Variants in PIK3R5 observed in about 807,000 individuals in gnomAD.
The protein encoded by PIK3R5 is phosphoinositide 3-kinase regulatory subunit 5.
Under a neutral mutation model 94.9 loss-of-function variants are expected in PIK3R5, and 32 were observed. That is an observed-to-expected ratio of 0.34 (90% CI 0.25 to 0.45). PIK3R5 has a LOEUF of 0.45. Ranked by LOEUF, PIK3R5 falls within the 20% of genes least tolerant of loss-of-function variation. The pLI is 1.00. For synonymous variants in PIK3R5, 443 were observed against 479.4 expected (o/e 0.92, Z 0.99); for missense variants, 853 against 1,144.6 (o/e 0.75, Z 3.68).
intron 4 of PIK3R5, among the ~76,000 whole-genome samples, chr17:8,905,450 C>T (rs1482725962): frequency 6.6e-6 from 1 of 152,094 alleles, no homozygotes; most frequent in Non-Finnish European, 1.5e-5. Flanking sequence ...AACATGGGAG[C>T]CCAGAGATGC....
At chr17:8,926,543 G>T (rs535328528) in intron 1 of PIK3R5, among the ~76,000 whole-genome samples, 3 of 152,302 alleles carry the variant, frequency 2.0e-5, no homozygotes, top group South Asian at 2.1e-4. Flanking sequence ...CAAAAGGCAC[G>T]TCTTACATGG....
intron 1 of PIK3R5, among the ~76,000 whole-genome samples, chr17:8,921,800 T>C (rs538365276): frequency 6.6e-6 from 1 of 152,166 alleles, no homozygotes; most frequent in African/African-American, 2.4e-5. Flanking sequence ...AAGATCTAAA[T>C]GTAAAGTGCT....
chr17:8,949,559 T>C (rs975003023), intron 1 of PIK3R5, among the ~76,000 whole-genome samples: 3 of 150,160 alleles, frequency 2.0e-5, no homozygotes, highest in African/African-American at 7.6e-5. Context: ...GAAAATGTTG[T>C]CGTCATCGTG....
chr17:8,957,638 T>C (rs1161802757), intron 1 of PIK3R5, among the ~76,000 whole-genome samples: 1 of 152,222 alleles, frequency 6.6e-6, no homozygotes, highest in African/African-American at 2.4e-5. Context: ...GAAATAGGCA[T>C]GCTTGTTAGC....
intron 1 of PIK3R5, among the ~76,000 whole-genome samples, chr17:8,919,666 G>A (rs1045136298): frequency 9.9e-5 from 15 of 152,178 alleles, no homozygotes; most frequent in Non-Finnish European, 1.5e-4. Flanking sequence ...GTGTCATACC[G>A]TGTTGGTGTC....
At chr17:8,883,431 C>T (rs1237821329) in intron 15 of PIK3R5, among the ~76,000 whole-genome samples, 6 of 152,200 alleles carry the variant, frequency 3.9e-5, no homozygotes, top group Non-Finnish European at 8.8e-5. Context: ...GTATGCTGGT[C>T]CCCCATTTCT....
At chr17:8,950,145 G>T (rs1205171045) in intron 1 of PIK3R5, among the ~76,000 whole-genome samples, 2 of 152,176 alleles carry the variant, frequency 1.3e-5, no homozygotes, top group Admixed American at 1.3e-4. Flanking sequence ...GTTTCATGAT[G>T]ATGTAAAAAA....
chr17:8,892,132 C>T lies in PIK3R5; in HGVS notation c.483-1220G>A, dbSNP rs570676161. On this transcript the variant is annotated intron_variant, in intron 6 of 18. Coordinates refer to ENST00000447110, the MANE Select transcript of PIK3R5 (RefSeq NM_001142633.3). This position sits in a 1 kb window ranked among gnomAD's most constrained non-coding sequence, Gnocchi z 4.3. Reference sequence around the variant, plus strand: ...CTCTTGCTCTCTCAATTCCACACTGCGTTTAAACCCAGTGCAAAGGAGCAC... The same window carrying T: ...CTCTTGCTCTCTCAATTCCACACTGTGTTTAAACCCAGTGCAAAGGAGCAC... Among the ~76,000 whole-genome samples, 1 of 152,270 alleles carries T rather than the reference C, an allele frequency of 6.6e-6. No individual in the cohort carries two copies. Among genetic ancestry groups the T allele is most frequent in the South Asian group, 2.1e-4 (1 of 4,818 alleles).
At position 8,932,470 on chromosome 17, in the gene PIK3R5, G is replaced by A. The variant is rs983741241; in HGVS notation, c.-13-20963C>T. 3.3e-5 allele frequency among the ~76,000 whole-genome samples: 5 copies of A among 152,094 alleles called. No homozygotes were observed. The East Asian group carries it at 7.7e-4, about 24-fold the overall frequency. On this transcript the variant is annotated intron_variant, in intron 1 of 18. Transcript: ENST00000447110. ...GGCTGGTCTCGAACTCCTGACCTCC[G>A]GTGATCTGCCCACCTCGGCCTCCCA...
At chr17:8,934,283 C>G (rs2091035088) in intron 1 of PIK3R5, among the ~76,000 whole-genome samples, 1 of 152,148 alleles carries the variant, frequency 6.6e-6, no homozygotes, top group Non-Finnish European at 1.5e-5. Context: ...ATATTAATAA[C>G]TACCAATTTG....
chr17:8,879,063 G>T lies in PIK3R5; in HGVS notation c.*1576C>A, dbSNP rs1392335350. On this transcript the variant is annotated 3_prime_UTR_variant, in exon 19 of 19. Coordinates refer to ENST00000447110, the MANE Select transcript of PIK3R5 (RefSeq NM_001142633.3). This position sits in a 1 kb window ranked among gnomAD's most constrained non-coding sequence, Gnocchi z 4.4. ...GCCCGCCACTCTTCTGGAGCTTAGA[G>T]CAAGAGCAGACATTAAGACAGGGGA... The T allele has an allele frequency of 1.3e-5, 2 of 152,244 alleles. No homozygotes were observed. Among genetic ancestry groups the T allele is most frequent in the African/African-American group, 2.4e-5 (1 of 41,464 alleles). The allele number at this position is 152,244 out of a possible 1,614,324, so 9.4% of individuals were successfully genotyped here. A position where few individuals can be genotyped will look rare whatever the true frequency, so the allele number is the denominator to read the frequency against.
At chr17:8,891,209 CG>C (rs2090015258) in intron 6 of PIK3R5, among the ~76,000 whole-genome samples, 1 of 152,280 alleles carries the variant, frequency 6.6e-6, no homozygotes, top group South Asian at 2.1e-4. Context: ...TTTATATAAA[CG>C]TTTTTTCCTA....
chr17:8,912,950 G>A (rs934995788), intron 1 of PIK3R5, among the ~76,000 whole-genome samples: 1 of 152,210 alleles, frequency 6.6e-6, no homozygotes, highest in Non-Finnish European at 1.5e-5. Context: ...AGCGGCACAC[G>A]CACCTTGGTT....
chr17:8,928,780 G>A (rs1320448730), intron 1 of PIK3R5, among the ~76,000 whole-genome samples: 1 of 151,876 alleles, frequency 6.6e-6, no homozygotes, highest in South Asian at 2.1e-4. Flanking sequence ...ACAGAAAAAA[G>A]GATAATAAAA....
chr17:8,886,424 C>A, intron 13 of PIK3R5, 53 bp downstream of exon 13: 3 of 1,599,114 alleles, frequency 1.9e-6, no homozygotes, highest in Non-Finnish European at 1.7e-6. Context: ...AGGGGTGGGG[C>A]CTTGCAGGCC....
chr17:8,942,449 C>T (rs897712198), intron 1 of PIK3R5, among the ~76,000 whole-genome samples: 6 of 152,148 alleles, frequency 3.9e-5, no homozygotes, highest in African/African-American at 1.4e-4. Flanking sequence ...ATGCCACAAC[C>T]CCCCATCTGC....
chr17:8,886,284 G>C lies in PIK3R5; in HGVS notation c.2073C>G (p.Phe691Leu). ...FITGEKTTEI[F>L]IHSLELGHSA... Reference sequence around the variant, plus strand: ...AGTGACCCAGCTCCAAGGAGTGGATGAAGATCTCTGTCGTCTTCTCCCCAG... The same window carrying C: ...AGTGACCCAGCTCCAAGGAGTGGATCAAGATCTCTGTCGTCTTCTCCCCAG... The change falls in exon 14 of 19, where the codon TTC becomes TTG. Residue 691 changes from phenylalanine (F) to leucine (L), a missense_variant. Coordinates refer to ENST00000447110, the MANE Select transcript of PIK3R5 (RefSeq NM_001142633.3). 1 of 1,613,714 alleles carries C rather than the reference G, an allele frequency of 6.2e-7. No homozygotes were observed.
chr17:8,881,791 G>A lies in PIK3R5; in HGVS notation c.2296C>T (p.Leu766=). The change falls in exon 16 of 19, where the codon CTG becomes TTG. Residue 766 remains leucine, a synonymous_variant. Coordinates refer to ENST00000447110, the MANE Select transcript of PIK3R5 (RefSeq NM_001142633.3). This position sits in a 1 kb window ranked among gnomAD's most constrained non-coding sequence, Gnocchi z 4.8. ...LNKACRKQEE[L]DSSMEALTLN... is the part of the protein sequence containing the mutation. ...CCACACTGACCACCCCACTCACCCA[G>A]CTCCTCCTGCTTCCGGCAGGCCTTG... 2 of 1,613,994 alleles carry A rather than the reference G, an allele frequency of 1.2e-6. No individual in the cohort carries two copies. Among genetic ancestry groups the A allele is most frequent in the Non-Finnish European group, 1.7e-6 (2 of 1,179,898 alleles).
rs767852062 is a variant in PIK3R5 at position 8,905,729 on chromosome 17, C to T, written c.213G>A (p.Glu71=). ...GGGTGAGCAGGTCGTAGGTGCCCTT[C>T]TCCTGGACCTGTGGAGAGGAGGAGA... ...QILQKTREVQ[E]KGTYDLLTPL... is the part of the protein sequence containing the mutation. Residue 71 remains glutamate, a synonymous_variant, in exon 4 of 19, where the codon GAG becomes GAA. Transcript: ENST00000447110. 3.1e-6 allele frequency: 5 copies of T among 1,600,938 alleles called. No homozygotes were observed. In the South Asian group the frequency reaches 4.5e-5, roughly 15 times the overall value.
Sources: allele counts gnomAD v4.1 joint callset (sites outside exome capture counted in the v4.1 genomes callset), GRCh38; gene constraint gnomAD v4.1.1; non-coding constraint Gnocchi (gnomAD v3.1); transcripts MANE v1.5; gene names NCBI Gene and HGNC (gene_info 2026-07-23, HGNC 2026-07-21).